The following PACRG variants were observed in gnomAD, a reference collection of about 807,000 sequenced individuals.
The protein encoded by PACRG is parkin coregulated.
In PACRG, 29 loss-of-function variants were observed where a neutral mutation model predicts 29.7. The observed-to-expected ratio is 0.98, with a 90% CI of 0.73 to 1.33. PACRG has a LOEUF of 1.33. Among genes scored for constraint, PACRG ranks in the 40% most tolerant of loss-of-function variants. PACRG has a pLI of 0.00. For missense variants in PACRG, 279 were observed against 316.2 expected, an observed-to-expected ratio of 0.88 and a Z score of 0.89; for synonymous variants, 116 against 118.7, an observed-to-expected ratio of 0.98 and a Z score of 0.15.
intron 4 of PACRG, among the ~76,000 whole-genome samples, chr6:163,093,209 G>T (rs554590543): frequency 5.9e-5 from 9 of 152,234 alleles, no homozygotes; most frequent in Non-Finnish European, 1.3e-4. Context: ...GGAAAGCCTG[G>T]GCCACGGTCC....
chr6:162,963,382 A>G (rs1325812099), intron 2 of PACRG, among the ~76,000 whole-genome samples: 1 of 152,074 alleles, frequency 6.6e-6, no homozygotes, highest in Non-Finnish European at 1.5e-5. Flanking sequence ...AGGTGCTGAT[A>G]AAACTCTCAT....
intron 4 of PACRG, among the ~76,000 whole-genome samples, chr6:163,094,250 G>A (rs768358404): frequency 3.3e-5 from 5 of 152,182 alleles, no homozygotes; most frequent in Admixed American, 6.5e-5. Context: ...TGGAATTCAG[G>A]TTCATCCCCC....
chr6:162,863,928 C>T (rs897884959), intron 2 of PACRG, among the ~76,000 whole-genome samples: 1 of 152,128 alleles, frequency 6.6e-6, no homozygotes, highest in East Asian at 1.9e-4. Flanking sequence ...TATTTTGAGG[C>T]CTTCCATTGC....
At chr6:163,257,057 T>G (rs1783142217) in intron 4 of PACRG, among the ~76,000 whole-genome samples, 1 of 152,164 alleles carries the variant, frequency 6.6e-6, no homozygotes, top group Non-Finnish European at 1.5e-5. Context: ...TCTGCCTATC[T>G]GTCTCTTATA....
At chr6:163,025,295 A>G (rs1196844305) in intron 2 of PACRG, among the ~76,000 whole-genome samples, 2 of 152,224 alleles carry the variant, frequency 1.3e-5, no homozygotes, top group South Asian at 4.1e-4. Flanking sequence ...AAGTCAAACT[A>G]TCTCTCTTTG....
At chr6:163,194,913 T>C (rs1780379015) in intron 4 of PACRG, among the ~76,000 whole-genome samples, 1 of 152,022 alleles carries the variant, frequency 6.6e-6, no homozygotes, top group African/African-American at 2.4e-5. Flanking sequence ...TCCCTCCCTT[T>C]TGGTCATCAG....
In PACRG at chr6:162,802,273, A is replaced by G. The variant is rs925611456; in HGVS notation, c.157-11874A>G. On this transcript the variant is annotated intron_variant, in intron 1 of 4. Coordinates refer to ENST00000366888, the MANE Select transcript of PACRG (RefSeq NM_001080379.2). ...TAGTCAATATATTTTTAATGAATAA[A>G]TGATATAGGTAAAAGTCTAATTTAG... 2.0e-5 allele frequency among the ~76,000 whole-genome samples: 3 copies of G among 152,200 alleles called. 1 individual carries two copies. Among genetic ancestry groups the G allele is most frequent in the South Asian group, 4.1e-4 (2 of 4,830 alleles).
chr6:163,069,043 C>T (rs1168751604), intron 3 of PACRG, among the ~76,000 whole-genome samples: 1 of 151,994 alleles, frequency 6.6e-6, no homozygotes, highest in African/African-American at 2.4e-5. Flanking sequence ...TGGAATCAGA[C>T]TCACCAATTG....
chr6:163,001,863 C>G (rs1269083053), intron 2 of PACRG, among the ~76,000 whole-genome samples: 1 of 152,124 alleles, frequency 6.6e-6, no homozygotes, highest in Non-Finnish European at 1.5e-5. Flanking sequence ...TTATTATATA[C>G]ATTTGGCATT....
At chr6:162,827,697 C>G (rs558431669) in intron 2 of PACRG, among the ~76,000 whole-genome samples, 1 of 152,232 alleles carries the variant, frequency 6.6e-6, no homozygotes, top group East Asian at 1.9e-4. Context: ...CATCTCTGTG[C>G]ATGTAGATTA....
intron 4 of PACRG, chr6:163,179,428 G>T: frequency 3.3e-6 from 1 of 306,498 alleles, no homozygotes; most frequent in South Asian, 2.8e-5. Flanking sequence ...GGCAAATCGT[G>T]GTGGCTCACG....
intron 4 of PACRG, among the ~76,000 whole-genome samples, chr6:163,142,369 G>A (rs1267429136): frequency 6.6e-6 from 1 of 151,904 alleles, no homozygotes; most frequent in Non-Finnish European, 1.5e-5. Flanking sequence ...CAATGCAAAT[G>A]AATTTGGAAT....
At chr6:163,003,148 A>G (rs930808502) in intron 2 of PACRG, among the ~76,000 whole-genome samples, 6 of 152,166 alleles carry the variant, frequency 3.9e-5, no homozygotes, top group African/African-American at 1.4e-4. Context: ...GATGTTTATT[A>G]TCTTCTTTGC....
At chr6:163,156,454 C>A (rs1371638925) in intron 4 of PACRG, among the ~76,000 whole-genome samples, 1 of 152,106 alleles carries the variant, frequency 6.6e-6, no homozygotes, top group Non-Finnish European at 1.5e-5. Context: ...CAGGTCATAT[C>A]TGAGCGGTCT....
chr6:163,056,518 G>A (rs577804279), intron 2 of PACRG, among the ~76,000 whole-genome samples: 89 of 152,238 alleles, frequency 5.8e-4, no homozygotes, highest in African/African-American at 2.1e-3. Context: ...ACTTTTAACA[G>A]GGACTTATAA....
chr6:163,272,896 T>TGA (rs1562352162), intron 4 of PACRG, among the ~76,000 whole-genome samples: 1 of 119,224 alleles, frequency 8.4e-6, no homozygotes, highest in African/African-American at 3.6e-5. Context: ...ATCATTCTTT[T>TGA]TTTTTTTTTT....
At chr6:162,798,988 T>C (rs1785613957) in intron 1 of PACRG, among the ~76,000 whole-genome samples, 1 of 152,192 alleles carries the variant, frequency 6.6e-6, no homozygotes, top group Admixed American at 6.5e-5. Flanking sequence ...CAAAAAAGAA[T>C]AACTTCTGAA....
intron 2 of PACRG, among the ~76,000 whole-genome samples, chr6:162,947,560 A>C (rs1799230593): frequency 1.1e-5 from 1 of 92,424 alleles, no homozygotes; most frequent in Non-Finnish European, 2.2e-5. Flanking sequence ...ATATATAATC[A>C]TATATATATA....
intron 4 of PACRG, among the ~76,000 whole-genome samples, chr6:163,277,605 TTGTC>T (rs555410884): frequency 2.1e-3 from 305 of 146,060 alleles, no homozygotes; most frequent in Non-Finnish European, 3.2e-3. Context: ...TATACATACT[TTGTC>T]TATATATGTA....
Sources: allele counts gnomAD v4.1 joint callset (sites outside exome capture counted in the v4.1 genomes callset), GRCh38; gene constraint gnomAD v4.1.1; transcripts MANE v1.5; gene names NCBI Gene and HGNC (gene_info 2026-07-23, HGNC 2026-07-21).